Variants in MSRA observed in about 807,000 individuals in gnomAD.
MSRA encodes the protein mitochondrial peptide methionine sulfoxide reductase.
MSRA carries 54 observed loss-of-function variants against 31.3 expected under a neutral mutation model. The observed-to-expected ratio is 1.73, with a 90% CI of 1.39 to 2.17. The LOEUF (loss-of-function observed/expected upper bound fraction) is 2.17, where lower values mean the gene tolerates loss of function less well. Among genes scored for constraint, MSRA ranks in the 30% most tolerant of loss-of-function variants. The pLI is 0.00. For synonymous variants in MSRA, 169 were observed against 116.5 expected, an observed-to-expected ratio of 1.45 and a Z score of -2.90; for missense variants, 507 against 300.9, an observed-to-expected ratio of 1.69 and a Z score of -5.07.
chr8:10,189,169 T>C (rs985482378), intron 1 of MSRA, among the ~76,000 whole-genome samples: 17 of 152,244 alleles, frequency 1.1e-4, no homozygotes, highest in African/African-American at 4.1e-4. Flanking sequence ...ATTTCATTTG[T>C]TGCTACTATG....
At chr8:10,244,404 G>C (rs4840468) in intron 2 of MSRA, among the ~76,000 whole-genome samples, 95,523 of 152,002 alleles carry the variant, frequency 0.63, 30,871 homozygotes, top group Non-Finnish European at 0.71. Flanking sequence ...AGATCCTGTG[G>C]CCACTGGTAT....
At chr8:10,072,721 C>G (rs1797799446) in intron 1 of MSRA, among the ~76,000 whole-genome samples, 1 of 152,222 alleles carries the variant, frequency 6.6e-6, no homozygotes, top group Non-Finnish European at 1.5e-5. Context: ...GTCTTTCAAT[C>G]CATGAGCACA....
chr8:10,126,973 G>C (rs1357389075), intron 1 of MSRA, among the ~76,000 whole-genome samples: 2 of 152,210 alleles, frequency 1.3e-5, no homozygotes, highest in Non-Finnish European at 2.9e-5. Flanking sequence ...CCTGCTGTGC[G>C]GCCTGGTTCC....
At chr8:10,168,187 G>T (rs1805309294) in intron 1 of MSRA, among the ~76,000 whole-genome samples, 1 of 152,204 alleles carries the variant, frequency 6.6e-6, no homozygotes, top group Admixed American at 6.5e-5. Context: ...CATATCAAGT[G>T]TGTTAATACA....
chr8:10,110,454 G>A (rs1001546724), intron 1 of MSRA, among the ~76,000 whole-genome samples: 10 of 152,174 alleles, frequency 6.6e-5, no homozygotes, highest in Non-Finnish European at 1.3e-4. Flanking sequence ...ACTGCTGGCT[G>A]GAAGTGGGGT....
intron 1 of MSRA, among the ~76,000 whole-genome samples, chr8:10,113,287 G>GTTTTTTTTTTTTTTTTTTTT (rs1412167930): frequency 7.9e-4 from 5 of 6,296 alleles, no homozygotes; most frequent in Non-Finnish European, 1.8e-3. Context: ...GTGAAGACAG[G>GTTTTTTTTTTTTTTTTTTTT]TCTTCTTTTT....
chr8:10,425,354 G>A (rs545695524), intron 5 of MSRA, among the ~76,000 whole-genome samples: 1 of 152,340 alleles, frequency 6.6e-6, no homozygotes, highest in South Asian at 2.1e-4. Context: ...CCATCTTGTG[G>A]CTGAGGCTGG....
chr8:10,351,244 A>ATT (rs1804123120), intron 5 of MSRA, among the ~76,000 whole-genome samples: 2 of 79,744 alleles, frequency 2.5e-5, no homozygotes, highest in African/African-American at 5.3e-5. Flanking sequence ...TCTGAAGGAG[A>ATT]CTTTTTTTTT....
intron 1 of MSRA, among the ~76,000 whole-genome samples, chr8:10,114,304 A>G (rs1800513634): frequency 6.6e-6 from 1 of 152,136 alleles, no homozygotes; most frequent in Admixed American, 6.5e-5. Flanking sequence ...ACATTGGCGG[A>G]CAAGTTCTTG....
At chr8:10,374,720 A>G (rs548196189) in intron 5 of MSRA, among the ~76,000 whole-genome samples, 2 of 152,264 alleles carry the variant, frequency 1.3e-5, no homozygotes, top group South Asian at 2.1e-4. Context: ...GAACAGATGA[A>G]AAAACTTTGG....
At position 10,202,144 on chromosome 8, in the gene MSRA, T is replaced by G. The variant is rs564268187; in HGVS notation, c.143-5689T>G. On this transcript the variant is annotated intron_variant, in intron 1 of 5. Transcript: ENST00000317173. ...TTGAAACAAATTTGTAAATGGTGGG[T>G]TAGGTTCCCAGGTTAGCCCACCCTT... Among the ~76,000 whole-genome samples, 3 of 152,380 alleles carry G rather than the reference T, an allele frequency of 2.0e-5. No homozygotes were observed. The East Asian group carries it at 5.8e-4, about 29-fold the overall frequency.
chr8:10,328,675 C>A (rs1224214330), intron 5 of MSRA, among the ~76,000 whole-genome samples: 1 of 152,158 alleles, frequency 6.6e-6, no homozygotes, highest in Non-Finnish European at 1.5e-5. Context: ...TCCCATGAGA[C>A]ATCTGTAACT....
intron 3 of MSRA, among the ~76,000 whole-genome samples, chr8:10,299,574 A>G (rs1313130054): frequency 1.3e-5 from 2 of 152,100 alleles, no homozygotes; most frequent in African/African-American, 4.8e-5. Flanking sequence ...TATTAATATA[A>G]TAATAACCCA....
intron 5 of MSRA, among the ~76,000 whole-genome samples, chr8:10,425,667 G>C (rs1236592113): frequency 6.6e-6 from 1 of 152,256 alleles, no homozygotes; most frequent in Non-Finnish European, 1.5e-5. Flanking sequence ...GGCACAGGCA[G>C]CTCAGGGCCG....
intron 1 of MSRA, among the ~76,000 whole-genome samples, chr8:10,178,935 G>C (rs1806300325): frequency 6.6e-6 from 1 of 152,074 alleles, no homozygotes; most frequent in African/African-American, 2.4e-5. Flanking sequence ...TTTCTTTCTT[G>C]GTAATTTTGT....
At chr8:10,246,515 A>G (rs1264744219) in intron 3 of MSRA, among the ~76,000 whole-genome samples, 1 of 151,586 alleles carries the variant, frequency 6.6e-6, no homozygotes, top group Non-Finnish European at 1.5e-5. Flanking sequence ...TAAAATGTAA[A>G]CAGTTTTATC....
intron 5 of MSRA, among the ~76,000 whole-genome samples, chr8:10,370,766 C>T (rs1169255184): frequency 2.0e-5 from 3 of 152,226 alleles, no homozygotes; most frequent in African/African-American, 7.2e-5. Context: ...CAAAGATGCC[C>T]CATGGCATTC....
chr8:10,302,727 T>TG (rs1434759000), intron 4 of MSRA, among the ~76,000 whole-genome samples: 2 of 152,110 alleles, frequency 1.3e-5, no homozygotes, highest in Non-Finnish European at 2.9e-5. Context: ...TCAGGGCAGA[T>TG]GGCGGCCTAG....
chr8:10,379,021 C>T (rs997475096), intron 5 of MSRA, among the ~76,000 whole-genome samples: 1 of 152,230 alleles, frequency 6.6e-6, no homozygotes, highest in Admixed American at 6.5e-5. Context: ...CGCAGACATG[C>T]TTATGTTGGA....
Sources: allele counts gnomAD v4.1 joint callset (sites outside exome capture counted in the v4.1 genomes callset), GRCh38; gene constraint gnomAD v4.1.1; transcripts MANE v1.5; gene names NCBI Gene and HGNC (gene_info 2026-07-23, HGNC 2026-07-21).